Variants in ABLIM1 observed in about 807,000 individuals in gnomAD.
The protein encoded by ABLIM1 is actin binding LIM protein 1.
Under a neutral mutation model 107.0 loss-of-function variants are expected in ABLIM1, and 40 were observed. That is an observed-to-expected ratio of 0.37 (90% CI 0.29 to 0.49). ABLIM1 has a LOEUF of 0.49. Among genes scored for constraint, ABLIM1 ranks in the 20% least tolerant of loss-of-function variants. ABLIM1 has a pLI of 0.97. For synonymous variants in ABLIM1, 357 were observed against 357.3 expected (o/e 1.00, Z 0.01); for missense variants, 857 against 1,008.5 (o/e 0.85, Z 2.04).
At chr10:114,684,285 C>G in intron 1 of ABLIM1, 1 of 1,613,428 alleles carries the variant, frequency 6.2e-7, no homozygotes, top group Non-Finnish European at 8.5e-7. Context: ...AATGGACGGT[C>G]TAACCTTTGT....
chr10:114,702,480 C>T (rs1264813236), intron 1 of ABLIM1, among the ~76,000 whole-genome samples: 1 of 150,614 alleles, frequency 6.6e-6, no homozygotes, highest in Admixed American at 6.6e-5. Context: ...TCATTAATCA[C>T]TGGTCTATCA....
intron 1 of ABLIM1, among the ~76,000 whole-genome samples, chr10:114,654,374 T>C (rs978429525): frequency 3.9e-5 from 6 of 152,262 alleles, no homozygotes. Flanking sequence ...ATTGCAATTC[T>C]ATTATTATTA....
intron 1 of ABLIM1, among the ~76,000 whole-genome samples, chr10:114,673,202 G>A (rs1342205275): frequency 8.7e-5 from 13 of 148,784 alleles, no homozygotes; most frequent in Non-Finnish European, 1.8e-4. Context: ...AGGTTGCAGT[G>A]AGCCGAGATC....
chr10:114,672,162 C>T (rs2080283558), intron 1 of ABLIM1, among the ~76,000 whole-genome samples: 1 of 151,958 alleles, frequency 6.6e-6, no homozygotes, highest in African/African-American at 2.4e-5. Context: ...AAGTATGAGC[C>T]ACAACACCTA....
intron 1 of ABLIM1, among the ~76,000 whole-genome samples, chr10:114,710,269 AC>A (rs1431013585): frequency 6.6e-6 from 1 of 152,156 alleles, no homozygotes; most frequent in Non-Finnish European, 1.5e-5. Flanking sequence ...CTGTTCTCAC[AC>A]TGCTAATAAA....
chr10:114,642,016 G>T (rs2078775875), intron 1 of ABLIM1, among the ~76,000 whole-genome samples: 2 of 152,046 alleles, frequency 1.3e-5, no homozygotes, highest in South Asian at 2.1e-4. Context: ...CCAAGTAGCT[G>T]GGACTACAGG....
chr10:114,487,609 T>A (rs1257590028), intron 8 of ABLIM1, among the ~76,000 whole-genome samples: 1 of 152,210 alleles, frequency 6.6e-6, no homozygotes, highest in Non-Finnish European at 1.5e-5. Context: ...CATTATAGAC[T>A]AAGCACCAAA....
intron 1 of ABLIM1, among the ~76,000 whole-genome samples, chr10:114,615,170 A>G (rs985822343): frequency 6.6e-6 from 1 of 152,210 alleles, no homozygotes; most frequent in Non-Finnish European, 1.5e-5. Context: ...TGATCTTTTA[A>G]GTGCATAATA....
intron 6 of ABLIM1, among the ~76,000 whole-genome samples, chr10:114,494,589 C>T (rs766084367): frequency 6.6e-6 from 1 of 152,018 alleles, no homozygotes; most frequent in African/African-American, 2.4e-5. Context: ...AGAAAACAAC[C>T]CCAATAAAGA....
chr10:114,439,490 AT>A (rs1446639764), intron 20 of ABLIM1: 10 of 589,400 alleles, frequency 1.7e-5, no homozygotes, highest in Middle Eastern at 4.5e-4. Context: ...AAATTCCTGA[AT>A]TAGGCTCCAT....
chr10:114,646,333 C>A (rs1219874185), intron 1 of ABLIM1, among the ~76,000 whole-genome samples: 1 of 152,082 alleles, frequency 6.6e-6, no homozygotes, highest in Non-Finnish European at 1.5e-5. Context: ...CCATAGCATC[C>A]ACAATTGAGA....
At chr10:114,502,570 C>A (rs987139531) in intron 6 of ABLIM1, among the ~76,000 whole-genome samples, 1 of 152,022 alleles carries the variant, frequency 6.6e-6, no homozygotes. Context: ...GATCTTGGCT[C>A]ACTGCAACCT....
chr10:114,600,367 C>G (rs1310665853), intron 2 of ABLIM1, among the ~76,000 whole-genome samples: 1 of 152,136 alleles, frequency 6.6e-6, no homozygotes, highest in Non-Finnish European at 1.5e-5. Flanking sequence ...ATGCGCTGAG[C>G]ATTGAGCTCA....
the ABLIM1 span, among the ~76,000 whole-genome samples, chr10:114,793,300 A>G: frequency 1.3e-5 from 2 of 152,066 alleles, no homozygotes; most frequent in South Asian, 4.1e-4. Context: ...GTGAATCCTC[A>G]TGAGATCTGG....
intron 2 of ABLIM1, among the ~76,000 whole-genome samples, chr10:114,585,872 T>A (rs2074132861): frequency 6.6e-6 from 1 of 152,222 alleles, no homozygotes; most frequent in African/African-American, 2.4e-5. Context: ...TGATACTCCA[T>A]CCACTGTCAC....
chr10:114,796,126 G>C, the ABLIM1 span, among the ~76,000 whole-genome samples: 1 of 152,082 alleles, frequency 6.6e-6, no homozygotes, highest in Admixed American at 6.6e-5. Context: ...TGTGACTTTG[G>C]GTAAGCTTCA....
intron 1 of ABLIM1, among the ~76,000 whole-genome samples, chr10:114,752,407 A>G (rs965024613): frequency 2.0e-5 from 3 of 152,264 alleles, no homozygotes; most frequent in African/African-American, 7.2e-5. Flanking sequence ...AACCTTAAAA[A>G]GAATGAATTC....
chr10:114,770,207 TCATC>T (rs954474293), upstream of ABLIM1, among the ~76,000 whole-genome samples: 4 of 152,204 alleles, frequency 2.6e-5, no homozygotes, highest in African/African-American at 7.2e-5. Flanking sequence ...CAAACTGTCT[TCATC>T]CAAGCAATTA....
At chr10:114,745,699 G>A (rs2082369483) in intron 1 of ABLIM1, among the ~76,000 whole-genome samples, 1 of 152,244 alleles carries the variant, frequency 6.6e-6, no homozygotes, top group Non-Finnish European at 1.5e-5. Flanking sequence ...GTGAAACCCT[G>A]TGGTGGTGGC....
Sources: gnomAD v4.1 joint callset for allele counts (sites outside exome capture counted in the v4.1 genomes callset) on GRCh38, gnomAD v4.1.1 for gene constraint, MANE v1.5 for transcripts, NCBI Gene and HGNC (gene_info 2026-07-23, HGNC 2026-07-21) for gene names.